The following TMEM70 variants were observed in gnomAD, a reference collection of about 807,000 sequenced individuals.
The protein encoded by TMEM70 is transmembrane protein 70.
A neutral mutation model predicts 20.5 loss-of-function variants in TMEM70; 15 were observed. That is an observed-to-expected ratio of 0.73 (90% CI 0.49 to 1.13). The LOEUF is 1.13. Among genes scored for constraint, TMEM70 ranks in the 50% most tolerant of loss-of-function variants. TMEM70 has a pLI of 0.00. For synonymous variants in TMEM70, 141 were observed against 134.2 expected (o/e 1.05, Z -0.35); for missense variants, 344 against 331.7 (o/e 1.04, Z -0.29).
intron 2 of TMEM70, chr8:73,979,279 T>C (rs898521887): frequency 4.2e-6 from 1 of 236,534 alleles, no homozygotes. Context: ...CCCACCCACC[T>C]CGGCCTCCCA....
intron 2 of TMEM70, chr8:73,979,074 T>C (rs2131234145): frequency 1.5e-6 from 1 of 670,238 alleles, no homozygotes; most frequent in Non-Finnish European, 2.7e-6. Context: ...CACTCTGTTG[T>C]CCAGGCTGGA....
rs1563700125 is a variant in TMEM70 at position 73,981,611 on chromosome 8, A to G, written c.773A>G (p.Asp258Gly). 4 of 1,603,850 alleles carry G rather than the reference A, an allele frequency of 2.5e-6. No individual in the cohort carries two copies. The highest frequency in any genetic ancestry group is 1.1e-5 in the South Asian group (1 of 90,910). Residue 258 changes from aspartate (D) to glycine (G), a missense_variant, in exon 3 of 3, where the codon GAT (aspartate) becomes GGT (glycine). By Grantham distance (94) the Asp-to-Gly change is moderately conservative. Transcript: ENST00000312184. ...ACCAGTGAAGAGAAACGGCATAAAG[A>G]TGACAAATGAGCCTATTTGTTAGTG... ...EETSEEKRHK[D>G]DK
rs376156875 is a variant in TMEM70, at chr8:73,978,784, G to T, written c.239G>T (p.Arg80Leu). Residue 80 changes from arginine to leucine, a missense_variant, in exon 2 of 3, where the codon CGA becomes CTA. Transcript: ENST00000312184. Reference sequence around the variant, plus strand: ...CCTGTTTATTGGGAAGGATATGTTCGATTCTTAAATACGCCATCTGACAAA... The same window carrying T: ...CCTGTTTATTGGGAAGGATATGTTCTATTCTTAAATACGCCATCTGACAAA... ...QIPVYWEGYVRFLNTPSDKSE... is the reference protein window; with the variant it reads ...QIPVYWEGYVLFLNTPSDKSE... 5 of 1,613,886 alleles carry T rather than the reference G, an allele frequency of 3.1e-6. No individual in the cohort carries two copies. Among genetic ancestry groups the T allele is most frequent in the Admixed American group, 3.3e-5 (2 of 60,002 alleles).
chr8:73,976,919 A>G (rs1446627003), intron 1 of TMEM70, among the ~76,000 whole-genome samples: 1 of 152,220 alleles, frequency 6.6e-6, no homozygotes, highest in Non-Finnish European at 1.5e-5. Flanking sequence ...TCCCTGGGAA[A>G]AGGGGGATGC....
rs564765243 is a variant in TMEM70 at position 73,982,024 on chromosome 8, G to A, written c.*403G>A. ...AGGAAGACACAGTCATAGGTGGTGC[G>A]GAGCTGTGGTCCACCTGCTCCTGCT... On this transcript the variant is annotated 3_prime_UTR_variant, in exon 3 of 3. Coordinates refer to ENST00000312184, the MANE Select transcript of TMEM70 (RefSeq NM_017866.6). The A allele has an allele frequency of 1.3e-5, 6 of 465,208 alleles. No homozygotes were observed. The East Asian group carries it at 2.0e-4, about 15-fold the overall frequency. The allele number at this position is 465,208 out of a possible 1,614,324, so 28.8% of individuals were successfully genotyped here.
At position 73,982,042 on chromosome 8, in the gene TMEM70, C is replaced by G. The variant is rs1381697223; in HGVS notation, c.*421C>G. 2 of 466,032 alleles carry G rather than the reference C, an allele frequency of 4.3e-6. No homozygotes were observed. Among genetic ancestry groups the G allele is most frequent in the Non-Finnish European group, 8.5e-6 (2 of 234,134 alleles). The allele number at this position is 466,032 out of a possible 1,614,324, so 28.9% of individuals were successfully genotyped here. On this transcript the variant is annotated 3_prime_UTR_variant, in exon 3 of 3. Coordinates refer to ENST00000312184, the MANE Select transcript of TMEM70 (RefSeq NM_017866.6). ...GTGGTGCGGAGCTGTGGTCCACCTG[C>G]TCCTGCTCCTGACTCACTGCTCTTT... is the stretch of plus-strand genomic sequence containing the variant.
chr8:73,976,317 C>A lies in TMEM70; in HGVS notation c.36C>A (p.Val12=), dbSNP rs775732442. ...LFLALGSPWA[V]ELPLCGRRTA... ...TGGCGTTGGGCAGCCCGTGGGCGGT[C>A]GAACTGCCTCTCTGCGGAAGGAGGA... The change falls in exon 1 of 3, where the codon GTC becomes GTA. Residue 12 remains valine (V), a synonymous_variant. Transcript: ENST00000312184. 6 of 1,600,832 alleles carry A rather than the reference C, an allele frequency of 3.7e-6. No homozygotes were observed. The Admixed American group carries it at 8.3e-5, about 22-fold the overall frequency.
intron 1 of TMEM70, 34 bp from the exon 2 acceptor site, chr8:73,978,722 G>A (rs763796994): frequency 5.0e-6 from 8 of 1,611,540 alleles, no homozygotes; most frequent in African/African-American, 1.3e-5. Flanking sequence ...AATTTAAGAA[G>A]GTTAGTTGAC....
At position 73,981,640 on chromosome 8, in the gene TMEM70, G is replaced by C. The variant is rs371128694; in HGVS notation, c.*19G>C. 6.5e-7 allele frequency: 1 copy of C among 1,539,312 alleles called. No homozygotes were observed. The highest frequency in any genetic ancestry group is 1.1e-5 in the South Asian group (1 of 89,468). Reference sequence around the variant, plus strand: ...CAAATGAGCCTATTTGTTAGTGTTCGTGCTCAAATGTGATTTACGTTTTAA... The same window carrying C: ...CAAATGAGCCTATTTGTTAGTGTTCCTGCTCAAATGTGATTTACGTTTTAA... On this transcript the variant is annotated 3_prime_UTR_variant, in exon 3 of 3. Transcript: ENST00000312184.
intron 1 of TMEM70, among the ~76,000 whole-genome samples, chr8:73,977,208 G>C (rs185129965): frequency 6.6e-6 from 1 of 151,988 alleles, no homozygotes; most frequent in Non-Finnish European, 1.5e-5. Flanking sequence ...TGGAGGTGAA[G>C]TCTCGCTCTG....
Position 73,982,341 on chromosome 8 carries a change from A to G in TMEM70, c.*720A>G, listed in dbSNP as rs781191109. ...AGAAAAACTTACGGTGAAGGTTCTA[A>G]GGCATGGGATCGTTTCCAGATGAGA... On this transcript the variant is annotated 3_prime_UTR_variant, in exon 3 of 3. Coordinates refer to ENST00000312184, the MANE Select transcript of TMEM70 (RefSeq NM_017866.6). The G allele has an allele frequency of 1.4e-6, 1 of 696,458 alleles. No homozygotes were observed. The highest frequency in any genetic ancestry group is 1.3e-5 in the South Asian group (1 of 74,382). The allele number at this position is 696,458 out of a possible 1,614,324, so 43.1% of individuals were successfully genotyped here.
At position 73,981,126 on chromosome 8, in the gene TMEM70, T is replaced by C. The variant is rs755008754; in HGVS notation, c.317-29T>C. On this transcript the variant is annotated intron_variant, in intron 2 of 2. Coordinates refer to ENST00000312184, the MANE Select transcript of TMEM70 (RefSeq NM_017866.6). ...GATTCTTTTATAAAATTTAAAAGTATTGATCCTCTCTCTTTTTTTCCCATT... is the reference window on the plus strand; with the variant it reads ...GATTCTTTTATAAAATTTAAAAGTACTGATCCTCTCTCTTTTTTTCCCATT... 5 of 1,555,890 alleles carry C rather than the reference T, an allele frequency of 3.2e-6. No homozygotes were observed. The South Asian group carries it at 4.5e-5, about 14-fold the overall frequency.
intron 1 of TMEM70, 77 bp from the exon 2 acceptor site, chr8:73,978,679 C>G: frequency 6.9e-7 from 1 of 1,444,904 alleles, no homozygotes; most frequent in South Asian, 1.2e-5. Flanking sequence ...GGAGACAGAG[C>G]AAGACTCTGT....
In TMEM70 at chr8:73,978,766, A is replaced by G; in HGVS notation, c.221A>G (p.Tyr74Cys). Residue 74 changes from tyrosine to cysteine, a missense_variant, in exon 2 of 3, where the codon TAT becomes TGT. Coordinates refer to ENST00000312184, the MANE Select transcript of TMEM70 (RefSeq NM_017866.6). ...TCCCTGTTTCAATAGATCCCTGTTT[A>G]TTGGGAAGGATATGTTCGATTCTTA... is the stretch of plus-strand genomic sequence containing the variant. ...RRPGRAQIPV[Y>C]WEGYVRFLNT... 1 of 1,613,916 alleles carries G rather than the reference A, an allele frequency of 6.2e-7. No individual in the cohort carries two copies. The highest frequency in any genetic ancestry group is 8.5e-7 in the Non-Finnish European group (1 of 1,179,850).
At position 73,981,918 on chromosome 8, in the gene TMEM70, G is replaced by T; in HGVS notation, c.*297G>T. 1 of 531,806 alleles carries T rather than the reference G, an allele frequency of 1.9e-6. No individual in the cohort carries two copies. Among genetic ancestry groups the T allele is most frequent in the South Asian group, 1.5e-5 (1 of 65,168 alleles). 32.9% of individuals were successfully genotyped at this position (531,806 alleles called of 1,614,324 possible). On this transcript the variant is annotated 3_prime_UTR_variant, in exon 3 of 3. Coordinates refer to ENST00000312184, the MANE Select transcript of TMEM70 (RefSeq NM_017866.6). ...TGGGGATCTGATGTCAGTAGCAAAT[G>T]GGAGAGTTGCTTTATTCTTTGTGTA...
chr8:73,976,383 C>CTCTGTCTCCCGGGCG lies in TMEM70; in HGVS notation c.105_119dup (p.Val36_Ser40dup). On this transcript the variant is annotated inframe_insertion, in exon 1 of 3. Coordinates refer to ENST00000312184, the MANE Select transcript of TMEM70 (RefSeq NM_017866.6). ...CCGCCGCGCTCCGAGGTCCCCGGGC[C>CTCTGTCTCCCGGGCG]TCTGTCTCCCGGGCGTCCTCCAGCA... 6.3e-7 allele frequency: 1 copy of CTCTGTCTCCCGGGCG among 1,594,706 alleles called. No homozygotes were observed. The highest frequency in any genetic ancestry group is 8.5e-7 in the Non-Finnish European group (1 of 1,177,912).
rs186114824 is a variant in TMEM70, at chr8:73,978,294, C to T, written c.211-462C>T. 5.5e-3 allele frequency among the ~76,000 whole-genome samples: 805 copies of T among 146,200 alleles called. 4 individuals carry two copies. The highest frequency in any genetic ancestry group is 0.019 in the African/African-American group (785 of 40,472). ...TAGAGACGGGGTTTCACCATGTTGGCCAGGCTGGTCTTGAACTCCTGACCT... is the reference window on the plus strand; with the variant it reads ...TAGAGACGGGGTTTCACCATGTTGGTCAGGCTGGTCTTGAACTCCTGACCT... On this transcript the variant is annotated intron_variant, in intron 1 of 2. Coordinates refer to ENST00000312184, the MANE Select transcript of TMEM70 (RefSeq NM_017866.6).
Position 73,982,319 on chromosome 8 carries a change from A to T in TMEM70, c.*698A>T. 1.5e-6 allele frequency: 1 copy of T among 657,972 alleles called. No individual in the cohort carries two copies. The highest frequency in any genetic ancestry group is 2.8e-6 in the Non-Finnish European group (1 of 354,796). 40.8% of individuals were successfully genotyped at this position (657,972 alleles called of 1,614,324 possible). ...CAAGACTTTGAGAATCACTACAAGA[A>T]AAACTTACGGTGAAGGTTCTAAGGC... On this transcript the variant is annotated 3_prime_UTR_variant, in exon 3 of 3. Coordinates refer to ENST00000312184, the MANE Select transcript of TMEM70 (RefSeq NM_017866.6).
rs1039301800 is a variant in TMEM70, at chr8:73,982,611, G to A, written c.*990G>A. On this transcript the variant is annotated 3_prime_UTR_variant, in exon 3 of 3. Transcript: ENST00000312184. ...AACACAGGTTTTTGCCTAACCCCTG[G>A]CATGATTGCCCATAAGAACATACAT... 8 of 479,456 alleles carry A rather than the reference G, an allele frequency of 1.7e-5. No individual in the cohort carries two copies. Among genetic ancestry groups the A allele is most frequent in the East Asian group, 1.2e-4 (2 of 16,428 alleles). The allele number at this position is 479,456 out of a possible 1,614,324, so 29.7% of individuals were successfully genotyped here.
Sources: allele counts gnomAD v4.1 joint callset (sites outside exome capture counted in the v4.1 genomes callset), GRCh38; gene constraint gnomAD v4.1.1; transcripts MANE v1.5; gene names NCBI Gene and HGNC (gene_info 2026-07-23, HGNC 2026-07-21).